Variants in STIL observed in about 807,000 individuals in gnomAD.
STIL encodes the protein SCL-interrupting locus protein.
A neutral mutation model predicts 110.1 loss-of-function variants in STIL; 55 were observed. That is an observed-to-expected ratio of 0.50 (90% CI 0.40 to 0.63). The LOEUF is 0.63. STIL is among the 20% of genes least tolerant of loss of function. The pLI is 0.00. For missense variants in STIL, 1,358 were observed against 1,530.0 expected (o/e 0.89, Z 1.87); for synonymous variants, 481 against 530.0 (o/e 0.91, Z 1.27).
intron 2 of STIL, among the ~76,000 whole-genome samples, chr1:47,305,905 G>A (rs1034624915): frequency 1.3e-5 from 2 of 149,696 alleles, no homozygotes; most frequent in Non-Finnish European, 3.0e-5. Flanking sequence ...GTAATTTTTT[G>A]TATCTTTAGT....
intron 14 of STIL, among the ~76,000 whole-genome samples, chr1:47,264,338 A>G (rs1644574336): frequency 6.6e-6 from 1 of 152,202 alleles, no homozygotes; most frequent in Admixed American, 6.5e-5. Flanking sequence ...CAAAATAAAT[A>G]AATAAATGTC....
chr1:47,310,053 T>C (rs374426915), intron 2 of STIL, among the ~76,000 whole-genome samples: 4 of 152,176 alleles, frequency 2.6e-5, no homozygotes, highest in Non-Finnish European at 5.9e-5. Flanking sequence ...CCCCACACAA[T>C]AATCTTCTGT....
intron 10 of STIL, among the ~76,000 whole-genome samples, chr1:47,284,421 G>T (rs1198467861): frequency 6.6e-6 from 1 of 152,124 alleles, no homozygotes; most frequent in African/African-American, 2.4e-5. Context: ...AGTTGGCATA[G>T]CATGATCATG....
At chr1:47,296,368 C>A (rs1001567067) in intron 6 of STIL, among the ~76,000 whole-genome samples, 1 of 152,152 alleles carries the variant, frequency 6.6e-6, no homozygotes, top group African/African-American at 2.4e-5. Flanking sequence ...CATCATAAAA[C>A]ACAAAAGCTC....
At chr1:47,307,703 G>A (rs1042871195) in intron 2 of STIL, among the ~76,000 whole-genome samples, 4 of 152,230 alleles carry the variant, frequency 2.6e-5, no homozygotes, top group African/African-American at 9.6e-5. Flanking sequence ...GGGAATAAGA[G>A]AGATAACCTT....
At chr1:47,259,957 T>C (rs1338036657) in intron 16 of STIL, among the ~76,000 whole-genome samples, 4 of 152,228 alleles carry the variant, frequency 2.6e-5, no homozygotes, top group Non-Finnish European at 5.9e-5. Context: ...ACTTTTCAGA[T>C]GCTACCAAGC....
chr1:47,261,745 C>CAA (rs34657491), intron 15 of STIL, among the ~76,000 whole-genome samples: 83 of 124,440 alleles, frequency 6.7e-4, no homozygotes, highest in African/African-American at 2.1e-3. Context: ...GACTCTGTCT[C>CAA]AAAAAAAAAA....
chr1:47,289,557 T>G lies in STIL; in HGVS notation c.901A>C (p.Ile301Leu). The change falls in exon 9 of 17, where the codon ATA becomes CTA. Residue 301 changes from isoleucine to leucine, a missense_variant. Coordinates refer to ENST00000371877, the MANE Select transcript of STIL (RefSeq NM_001048166.1). ...TTATGTGTCATAGAATAGAGAACTATGATGAAATTTCCAGATTCTGAAAAA... is the reference window on the plus strand; with the variant it reads ...TTATGTGTCATAGAATAGAGAACTAGGATGAAATTTCCAGATTCTGAAAAA... ...RVFSESGNFI[I>L]VLYSMTHKEP... The G allele has an allele frequency of 5.0e-6, 8 of 1,613,818 alleles. No individual in the cohort carries two copies. The highest frequency in any genetic ancestry group is 5.9e-6 in the Non-Finnish European group (7 of 1,179,790).
At chr1:47,270,328 C>T (rs1315074824) in intron 13 of STIL, among the ~76,000 whole-genome samples, 1 of 149,614 alleles carries the variant, frequency 6.7e-6, no homozygotes, top group Admixed American at 6.7e-5. Flanking sequence ...ATTATATTTC[C>T]TCAGAAATGC....
intron 1 of STIL, among the ~76,000 whole-genome samples, chr1:47,312,410 G>A (rs796534313): frequency 4.5e-4 from 68 of 150,494 alleles, no homozygotes; most frequent in South Asian, 1.7e-3. Context: ...TGGAGATTTC[G>A]TCACTGCCCT....
Position 47,282,422 on chromosome 1 carries a change from G to T in STIL, c.1171C>A (p.His391Asn). 6.2e-7 allele frequency: 1 copy of T among 1,613,130 alleles called. No homozygotes were observed. The change falls in exon 11 of 17, where the codon CAT (histidine) becomes AAT (asparagine). Residue 391 changes from histidine to asparagine, a missense_variant. Coordinates refer to ENST00000371877, the MANE Select transcript of STIL (RefSeq NM_001048166.1). ...TCTTCAACACCAGAGTCGTGATCAT[G>T]TATTGGCATCTTCCCAGAAGATAAC... ...QKLSSGKMPI[H>N]DHDSGVEDED... is the part of the protein sequence containing the mutation.
intron 13 of STIL, among the ~76,000 whole-genome samples, chr1:47,270,246 A>C (rs1644787798): frequency 2.0e-5 from 1 of 49,642 alleles, no homozygotes. Context: ...AAAAAAATAT[A>C]TATATATATA....
rs1644190553 is a variant in STIL, at chr1:47,251,770, A to C, written c.3233T>G (p.Leu1078Arg). 6.2e-7 allele frequency: 1 copy of C among 1,613,556 alleles called. No individual in the cohort carries two copies. Among genetic ancestry groups the C allele is most frequent in the African/African-American group, 1.3e-5 (1 of 74,894 alleles). Reference protein sequence around the residue: ...IALKYLNENQLSQLSVTRSNQ... With the variant: ...IALKYLNENQRSQLSVTRSNQ... ...CGATCGAGTGACAGACAGTTGTGAC[A>C]GCTGATTTTCATTTAAATATTTCAG... The change falls in exon 17 of 17, where the codon CTG becomes CGG. Residue 1078 changes from leucine (L) to arginine (R), a missense_variant. Transcript: ENST00000371877.
Position 47,306,491 on chromosome 1 carries a change from C to T in STIL, c.45-1495G>A, listed in dbSNP as rs1570290035. Among the ~76,000 whole-genome samples, 5 of 152,218 alleles carry T rather than the reference C, an allele frequency of 3.3e-5. No homozygotes were observed. In the South Asian group the frequency reaches 8.3e-4, roughly 25 times the overall value. On this transcript the variant is annotated intron_variant, in intron 2 of 16. Transcript: ENST00000371877. ...CTGGTCTTGAACTCATGGTTTTAAG[C>T]AATCTTCCCACCTTGGCCTCCCAAA...
intron 8 of STIL, among the ~76,000 whole-genome samples, chr1:47,292,949 CTTCT>C (rs1233831521): frequency 6.6e-6 from 1 of 152,130 alleles, no homozygotes; most frequent in Admixed American, 6.5e-5. Flanking sequence ...AAGATGTCAC[CTTCT>C]TTATCTATTA....
At chr1:47,271,209 C>T (rs972836764) in intron 13 of STIL, among the ~76,000 whole-genome samples, 39 of 152,140 alleles carry the variant, frequency 2.6e-4, no homozygotes, top group African/African-American at 7.5e-4. Flanking sequence ...TTTTGTACCA[C>T]GAGCCATAGG....
At chr1:47,300,230 C>G (rs932211135) in intron 5 of STIL, 78 bp from the exon 6 acceptor site, 2 of 1,295,666 alleles carry the variant, frequency 1.5e-6, no homozygotes, top group Non-Finnish European at 2.1e-6. Context: ...TATACTGATA[C>G]ATATACATAT....
At chr1:47,264,109 T>G (rs111589339) in intron 14 of STIL, among the ~76,000 whole-genome samples, 26 of 152,238 alleles carry the variant, frequency 1.7e-4, no homozygotes, top group African/African-American at 6.0e-4. Context: ...AAACTAAAAC[T>G]GAAAAAGAAC....
Position 47,311,299 on chromosome 1 carries a change from T to G in STIL, c.-43-937A>C, listed in dbSNP as rs867728320. ...TCTTTTTTTCTTTTTTTTTTTTTTT[T>G]GAAACAGGGTCTCACTCTGTAGCCC... is the stretch of plus-strand genomic sequence containing the variant. On this transcript the variant is annotated intron_variant, in intron 1 of 16. Transcript: ENST00000371877. Among the ~76,000 whole-genome samples, 790 of 149,752 alleles carry G rather than the reference T, an allele frequency of 5.3e-3. 2 individuals are homozygous for G. The highest frequency in any genetic ancestry group is 0.03 in the East Asian group (154 of 5,150).
Sources: gnomAD v4.1 joint callset for allele counts (sites outside exome capture counted in the v4.1 genomes callset) on GRCh38, gnomAD v4.1.1 for gene constraint, MANE v1.5 for transcripts, NCBI Gene and HGNC (gene_info 2026-07-23, HGNC 2026-07-21) for gene names.